Variants in SLC44A2 observed in about 807,000 individuals in gnomAD.
The protein encoded by SLC44A2 is choline transporter-like protein 2.
SLC44A2 carries 57 observed loss-of-function variants against 90.8 expected under a neutral mutation model. The ratio of observed to expected loss-of-function variants is 0.63; its 90% CI spans 0.51 to 0.78. SLC44A2 has a LOEUF of 0.78. Among genes scored for constraint, SLC44A2 ranks in the 30% least tolerant of loss-of-function variants. SLC44A2 has a pLI of 0.00. For synonymous variants in SLC44A2, 355 were observed against 360.7 expected, an observed-to-expected ratio of 0.98 and a Z score of 0.18; for missense variants, 794 against 919.7, an observed-to-expected ratio of 0.86 and a Z score of 1.77.
intron 1 of SLC44A2, among the ~76,000 whole-genome samples, chr19:10,609,146 CGG>C (rs1367610191): frequency 6.6e-6 from 1 of 151,294 alleles, no homozygotes; most frequent in Non-Finnish European, 1.5e-5. Flanking sequence ...TTGGTAGAGA[CGG>C]GGTTTCACCA....
intron 1 of SLC44A2, among the ~76,000 whole-genome samples, chr19:10,609,019 G>T (rs11668368): frequency 0.067 from 9,617 of 143,400 alleles, 365 homozygotes; most frequent in Middle Eastern, 0.11. Flanking sequence ...GAGCAGTGGC[G>T]CCATCTCAGC....
rs765497709 is a variant in SLC44A2 at position 10,631,768 on chromosome 19, C to T, written c.626+19C>T. On this transcript the variant is annotated intron_variant, in intron 8 of 21. Transcript: ENST00000335757. ...GCGCCAAGTGAGGATATTGGCGCACCGCGCCAGGGTCTCACTTTGCTGGGT... is the reference window on the plus strand; with the variant it reads ...GCGCCAAGTGAGGATATTGGCGCACTGCGCCAGGGTCTCACTTTGCTGGGT... The T allele has an allele frequency of 1.9e-5, 31 of 1,613,840 alleles. No homozygotes were observed. Among genetic ancestry groups the T allele is most frequent in the Middle Eastern group, 1.6e-4 (1 of 6,084 alleles).
At chr19:10,622,601 A>G (rs192051849), upstream of SLC44A2, among the ~76,000 whole-genome samples, 1 of 152,058 alleles carries the variant, frequency 6.6e-6, no homozygotes, top group East Asian at 1.9e-4. Flanking sequence ...GAGTCATGGG[A>G]TAATCAGAAG....
At chr19:10,636,933 C>A in intron 16 of SLC44A2, 177 bp downstream of exon 16, 5 of 633,972 alleles carry the variant, frequency 7.9e-6, no homozygotes, top group East Asian at 3.0e-5. Context: ...GATGGAGGAG[C>A]AAACCAGAGA....
chr19:10,638,860 G>C (rs1325073196), intron 20 of SLC44A2, among the ~76,000 whole-genome samples: 1 of 149,586 alleles, frequency 6.7e-6, no homozygotes, highest in African/African-American at 2.5e-5. Context: ...AGTGCAATAG[G>C]GTGATCTCAG....
chr19:10,623,692 A>T (rs80308754), upstream of SLC44A2, among the ~76,000 whole-genome samples: 12 of 140,774 alleles, frequency 8.5e-5, no homozygotes, highest in African/African-American at 1.3e-4. Flanking sequence ...ATTGTATTGT[A>T]TTTTTTTTTT....
chr19:10,636,179 G>A, intron 14 of SLC44A2, 144 bp from the exon 15 acceptor site: 1 of 994,894 alleles, frequency 1.0e-6, no homozygotes, highest in Non-Finnish European at 1.5e-6. Flanking sequence ...GCCATATTCT[G>A]AACTCTTAAT....
chr19:10,606,289 C>A (rs1356339164), intron 1 of SLC44A2, among the ~76,000 whole-genome samples: 4 of 151,722 alleles, frequency 2.6e-5, no homozygotes, highest in Admixed American at 2.6e-4. Context: ...CAGAGGAAGA[C>A]CCTGTCTCAA....
Position 10,643,744 on chromosome 19 carries a change from C to T in SLC44A2, c.*359C>T. On this transcript the variant is annotated 3_prime_UTR_variant, in exon 22 of 22. Transcript: ENST00000335757. ...ACCACAGGAAGGACGGTGTTTGTGT[C>T]TGAGGGAGCTGCTGGCCACAGTGAA... is the stretch of plus-strand genomic sequence containing the variant. 1 of 203,208 alleles carries T rather than the reference C, an allele frequency of 4.9e-6. No homozygotes were observed. The highest frequency in any genetic ancestry group is 8.1e-5 in the South Asian group (1 of 12,354). 12.6% of individuals were successfully genotyped at this position (203,208 alleles called of 1,614,324 possible).
upstream of SLC44A2, among the ~76,000 whole-genome samples, chr19:10,624,988 T>A (rs2066918465): frequency 1.3e-5 from 2 of 151,954 alleles, no homozygotes; most frequent in Non-Finnish European, 2.9e-5. Flanking sequence ...AATTAAAAAT[T>A]AGCCGAGTGC....
chr19:10,643,317 C>A lies in SLC44A2; in HGVS notation c.2053C>A (p.Pro685Thr). 1 of 1,611,190 alleles carries A rather than the reference C, an allele frequency of 6.2e-7. No individual in the cohort carries two copies. The highest frequency in any genetic ancestry group is 2.2e-5 in the East Asian group (1 of 44,768). ...GAGGAATGACGGCTCGGCCGAGAGG[C>A]CTTACTTCATGTCTTCCACCCTCAA... ...LERNDGSAERPYFMSSTLKKL... is the reference protein window; with the variant it reads ...LERNDGSAERTYFMSSTLKKL... Residue 685 changes from proline (P) to threonine (T), a missense_variant, in exon 22 of 22, where the codon CCT becomes ACT. By Grantham distance (38) the Pro-to-Thr change is conservative. This residue lies in a region of SLC44A2 where 44 missense variants were observed against 43.9 expected (regional missense o/e 1.00). Transcript: ENST00000335757.
intron 4 of SLC44A2, 25 bp downstream of exon 4, chr19:10,628,029 T>C (rs1022574290): frequency 1.2e-5 from 19 of 1,595,220 alleles, no homozygotes; most frequent in Non-Finnish European, 1.5e-5. Flanking sequence ...TGCGGCCTGG[T>C]GGGGCTGGGG....
In SLC44A2 at chr19:10,637,671, T is replaced by C. The variant is rs771230764; in HGVS notation, c.1619T>C (p.Leu540Pro). 1 of 1,614,148 alleles carries C rather than the reference T, an allele frequency of 6.2e-7. No homozygotes were observed. Among genetic ancestry groups the C allele is most frequent in the Non-Finnish European group, 8.5e-7 (1 of 1,180,010 alleles). ...GCAGAGAACAAGTTTGCCAAGTGCC[T>C]CATGACCTGTCTCAAATGCTGCTTC... ...KAAENKFAKC[L>P]MTCLKCCFWC... is the part of the protein sequence containing the mutation. Residue 540 changes from leucine to proline, a missense_variant, in exon 17 of 22, where the codon CTC becomes CCC. Leu to Pro is a moderately conservative substitution (Grantham distance 98). This residue lies in a region of SLC44A2 where 738 missense variants were observed against 841.1 expected (regional missense o/e 0.88). Coordinates refer to ENST00000335757, the MANE Select transcript of SLC44A2 (RefSeq NM_020428.4).
chr19:10,602,598 A>G lies in SLC44A2; in HGVS notation c.31+37A>G, dbSNP rs1463156999. 24 of 1,253,168 alleles carry G rather than the reference A, an allele frequency of 1.9e-5. 1 individual carries two copies. The highest frequency in any genetic ancestry group is 6.9e-5 in the South Asian group (2 of 29,006). 77.6% of individuals were successfully genotyped at this position (1,253,168 alleles called of 1,614,324 possible). On this transcript the variant is annotated intron_variant, in intron 1 of 21. Coordinates refer to the SLC44A2 transcript ENST00000407327. Reference sequence around the variant, plus strand: ...CTCCGGTCAGGGGCCGCCTCTGCTGACCTGCGGGTGGGAGGACCTTGAGCC... The same window carrying G: ...CTCCGGTCAGGGGCCGCCTCTGCTGGCCTGCGGGTGGGAGGACCTTGAGCC...
At chr19:10,636,821 T>C in intron 16 of SLC44A2, 65 bp downstream of exon 16, 4 of 1,513,322 alleles carry the variant, frequency 2.6e-6, no homozygotes, top group African/African-American at 1.4e-5. Flanking sequence ...CGAACCAGGA[T>C]TGGGTCTTGC....
At chr19:10,627,283 T>C (rs2066943813) in intron 2 of SLC44A2, among the ~76,000 whole-genome samples, 1 of 150,246 alleles carries the variant, frequency 6.7e-6, no homozygotes, top group Admixed American at 6.7e-5. Flanking sequence ...ATCGTTCCAC[T>C]GCACTCCAGC....
Position 10,641,607 on chromosome 19 carries a change from C to T in SLC44A2, c.1930-760C>T, listed in dbSNP as rs940782314. Among the ~76,000 whole-genome samples the T allele has an allele frequency of 5.3e-5, 8 of 152,128 alleles. No homozygotes were observed. In the East Asian group the frequency reaches 1.3e-3, roughly 26 times the overall value. ...GTGGCTCATACCTGTAGTCCCAGCACTTGGGGAGGCCAAGGTGGGCGAATC... is the reference window on the plus strand; with the variant it reads ...GTGGCTCATACCTGTAGTCCCAGCATTTGGGGAGGCCAAGGTGGGCGAATC... On this transcript the variant is annotated intron_variant, in intron 20 of 21. Coordinates refer to ENST00000335757, the MANE Select transcript of SLC44A2 (RefSeq NM_020428.4).
At position 10,634,872 on chromosome 19, in the gene SLC44A2, A is replaced by T; in HGVS notation, c.940A>T (p.Thr314Ser). The change falls in exon 11 of 22, where the codon ACC becomes TCC. Residue 314 changes from threonine to serine, a missense_variant. Thr to Ser is a moderately conservative substitution (Grantham distance 58, BLOSUM62 1). This residue lies in a region of SLC44A2 where 738 missense variants were observed against 841.1 expected (regional missense o/e 0.88). Coordinates refer to ENST00000335757, the MANE Select transcript of SLC44A2 (RefSeq NM_020428.4). Reference sequence around the variant, plus strand: ...CCGGGTGTACCTGCACTTACGGCAGACCTGGTTGGCCTTTAGTGAGTCACA... The same window carrying T: ...CCGGGTGTACCTGCACTTACGGCAGTCCTGGTTGGCCTTTAGTGAGTCACA... ...DFRVYLHLRQ[T>S]WLAFMIILSI... is the part of the protein sequence containing the mutation. 1 of 1,614,156 alleles carries T rather than the reference A, an allele frequency of 6.2e-7. No individual in the cohort carries two copies. The highest frequency in any genetic ancestry group is 8.5e-7 in the Non-Finnish European group (1 of 1,180,026).
rs774446510 is a variant in SLC44A2 at position 10,634,841 on chromosome 19, G to A, written c.909G>A (p.Thr303=). 1.3e-5 allele frequency: 21 copies of A among 1,614,020 alleles called. No homozygotes were observed. The highest frequency in any genetic ancestry group is 1.0e-4 in the Admixed American group (6 of 59,984). ...DVSLVDLGFQ[T]DFRVYLHLRQ... ...CTTTGGTGGACCTCGGCTTTCAGACGGATTTCCGGGTGTACCTGCACTTAC... is the reference window on the plus strand; with the variant it reads ...CTTTGGTGGACCTCGGCTTTCAGACAGATTTCCGGGTGTACCTGCACTTAC... Residue 303 remains threonine, a synonymous_variant, in exon 11 of 22, where the codon ACG becomes ACA. Transcript: ENST00000335757.
Sources: allele counts gnomAD v4.1 joint callset (sites outside exome capture counted in the v4.1 genomes callset), GRCh38; gene constraint gnomAD v4.1.1; regional missense constraint gnomAD v4.1.1; transcripts MANE v1.5; gene names NCBI Gene and HGNC (gene_info 2026-07-23, HGNC 2026-07-21).